Variants in HTR2C observed in about 807,000 individuals in gnomAD.
The protein encoded by HTR2C is 5-hydroxytryptamine (serotonin) receptor 2C, G protein-coupled.
A neutral mutation model predicts 21.0 loss-of-function variants in HTR2C; 5 were observed. The ratio of observed to expected loss-of-function variants is 0.24; its 90% CI spans 0.12 to 0.50. HTR2C has a LOEUF of 0.50. Among genes scored for constraint, HTR2C ranks in the 20% least tolerant of loss-of-function variants. The pLI, the probability that HTR2C is intolerant of heterozygous loss-of-function variation, is 0.98. For missense variants in HTR2C, 271 were observed against 371.2 expected (o/e 0.73, Z 2.22); for synonymous variants, 150 against 145.3 (o/e 1.03, Z -0.23).
chrX:114,882,137 A>G (rs895208712), intron 5 of HTR2C, among the ~76,000 whole-genome samples: 1 of 110,631 alleles, frequency 9.0e-6, no homozygotes, highest in Admixed American at 9.7e-5. Context: ...TTATTAATTT[A>G]ATTTTTGGAT....
chrX:114,767,902 G>A (rs973202525), intron 4 of HTR2C, among the ~76,000 whole-genome samples: 3 of 109,575 alleles, frequency 2.7e-5, no homozygotes, highest in Admixed American at 2.0e-4. Context: ...CATATAAACC[G>A]TTGTAATCAA....
At position 114,774,894 on chromosome X, in the gene HTR2C, G is replaced by A. The variant is rs1323669187; in HGVS notation, c.349+43287G>A. 4 of 538,879 alleles carry A rather than the reference G, an allele frequency of 7.4e-6. No individual in the cohort carries two copies. The East Asian group carries it at 1.4e-4, about 18-fold the overall frequency. The allele number at this position is 538,879 out of a possible 1,213,427, so 44.4% of individuals were successfully genotyped here. A position where few individuals can be genotyped will look rare whatever the true frequency, so the allele number is the denominator to read the frequency against. ...TAGAGGGAGGAGCTCCACCACCAGGGAATCCCCCAGGCATTCCTCCAGGCA... is the reference window on the plus strand; with the variant it reads ...TAGAGGGAGGAGCTCCACCACCAGGAAATCCCCCAGGCATTCCTCCAGGCA... On this transcript the variant is annotated intron_variant, in intron 4 of 5. Transcript: ENST00000276198.
At chrX:114,806,313 C>A (rs1419647564) in intron 4 of HTR2C, among the ~76,000 whole-genome samples, 1 of 96,382 alleles carries the variant, frequency 1.0e-5, no homozygotes, top group Non-Finnish European at 2.1e-5. Context: ...TATATATACA[C>A]TACATATATA....
intron 5 of HTR2C, among the ~76,000 whole-genome samples, chrX:114,858,194 A>G (rs1262604516): frequency 9.1e-6 from 1 of 110,328 alleles, no homozygotes; most frequent in Non-Finnish European, 1.9e-5. Flanking sequence ...AGGCCTTTTC[A>G]TTTTCATATA....
At chrX:114,763,810 A>G (rs1267570117) in intron 4 of HTR2C, among the ~76,000 whole-genome samples, 1 of 110,689 alleles carries the variant, frequency 9.0e-6, no homozygotes, top group East Asian at 2.9e-4. Context: ...CCAGGCCCAC[A>G]TATCTTCACC....
chrX:114,668,339 T>G (rs782809465), intron 2 of HTR2C, among the ~76,000 whole-genome samples: 1 of 111,868 alleles, frequency 8.9e-6, no homozygotes, highest in African/African-American at 3.2e-5. Flanking sequence ...TTTAAGAACA[T>G]GTCTTAAGAA....
At chrX:114,794,169 C>A (rs1176893041) in intron 4 of HTR2C, among the ~76,000 whole-genome samples, 1 of 110,569 alleles carries the variant, frequency 9.0e-6, no homozygotes, top group Non-Finnish European at 1.9e-5. Context: ...TATTTCAAAC[C>A]CCAAAATTAT....
chrX:114,629,847 A>C (rs980172606), intron 2 of HTR2C, among the ~76,000 whole-genome samples: 1 of 111,204 alleles, frequency 9.0e-6, no homozygotes, highest in African/African-American at 3.3e-5. Context: ...ATACCAGGCT[A>C]GGACAAAAGT....
chrX:114,828,814 A>G (rs1556459499), intron 4 of HTR2C, among the ~76,000 whole-genome samples: 2 of 112,191 alleles, frequency 1.8e-5, no homozygotes, highest in African/African-American at 6.5e-5. Context: ...TCGTATAAAT[A>G]AAGTCATACA....
intron 1 of HTR2C, among the ~76,000 whole-genome samples, chrX:114,596,793 T>C (rs915132137): frequency 2.7e-5 from 3 of 112,559 alleles, no homozygotes; most frequent in Non-Finnish European, 5.6e-5. Flanking sequence ...TTTGTGTTGC[T>C]ATAAAATAAT....
At chrX:114,711,689 A>T (rs1404719812) in intron 2 of HTR2C, among the ~76,000 whole-genome samples, 4 of 112,124 alleles carry the variant, frequency 3.6e-5, no homozygotes, top group African/African-American at 1.3e-4. Flanking sequence ...TCACTTAAGC[A>T]TGCTTTCAGA....
chrX:114,706,435 A>G (rs1373614554), intron 2 of HTR2C, among the ~76,000 whole-genome samples: 1 of 66,685 alleles, frequency 1.5e-5, no homozygotes, highest in African/African-American at 4.7e-5. Context: ...GGAAATCATC[A>G]TTCTCGGTAA....
chrX:114,877,810 C>T (rs1175437629), intron 5 of HTR2C, among the ~76,000 whole-genome samples: 2 of 110,422 alleles, frequency 1.8e-5, no homozygotes, highest in African/African-American at 6.6e-5. Context: ...CCATTGTGGT[C>T]AGAAAATGTA....
chrX:114,807,947 A>C (rs921092341), intron 4 of HTR2C, among the ~76,000 whole-genome samples: 1 of 111,683 alleles, frequency 9.0e-6, no homozygotes. Flanking sequence ...CTGGGATTAC[A>C]GGCGTGAGCC....
rs898150734 is a variant in HTR2C, at chrX:114,796,492, T to C, written c.350-51511T>C. Among the ~76,000 whole-genome samples the C allele has an allele frequency of 4.9e-4, 54 of 111,222 alleles. 1 individual carries two copies. The highest frequency in any genetic ancestry group is 1.7e-3 in the African/African-American group (53 of 30,625). ...GATGGATATGCATGGATTCTGATCC[T>C]AATTCCTGTTACTTAATGTCTATAT... On this transcript the variant is annotated intron_variant, in intron 4 of 5. Coordinates refer to ENST00000276198, the MANE Select transcript of HTR2C (RefSeq NM_000868.4).
At chrX:114,775,534 T>C (rs1297753222) in intron 4 of HTR2C, 14 of 493,974 alleles carry the variant, frequency 2.8e-5, no homozygotes, top group Non-Finnish European at 4.9e-5. Flanking sequence ...CTATGCTTGA[T>C]GAGGACAGGA....
chrX:114,716,515 A>G (rs1338030643), intron 2 of HTR2C, among the ~76,000 whole-genome samples: 1 of 111,220 alleles, frequency 9.0e-6, no homozygotes, highest in Non-Finnish European at 1.9e-5. Context: ...TATTTAAATA[A>G]CCACTTAACA....
chrX:114,670,238 C>T (rs1931324549), intron 2 of HTR2C, among the ~76,000 whole-genome samples: 1 of 110,213 alleles, frequency 9.1e-6, no homozygotes, highest in Admixed American at 9.7e-5. Flanking sequence ...ACTAAAAATA[C>T]AAAAAAATTA....
intron 5 of HTR2C, among the ~76,000 whole-genome samples, chrX:114,889,737 T>C (rs146523243): frequency 0.024 from 2,645 of 111,429 alleles, 91 homozygotes; most frequent in African/African-American, 0.083. Context: ...TGTTGGTTCT[T>C]CCAGGACACC....
Sources: gnomAD v4.1 joint callset for allele counts (sites outside exome capture counted in the v4.1 genomes callset) on GRCh38, gnomAD v4.1.1 for gene constraint, MANE v1.5 for transcripts, NCBI Gene and HGNC (gene_info 2026-07-23, HGNC 2026-07-21) for gene names.